KHDRBS3: variants seen among roughly 807,000 people sequenced by gnomAD.
The protein encoded by KHDRBS3 is KH domain-containing, RNA-binding, signal transduction-associated protein 3.
KHDRBS3 carries 23 observed loss-of-function variants against 45.6 expected under a neutral mutation model. That is an observed-to-expected ratio of 0.50 (90% CI 0.36 to 0.72). KHDRBS3 has a LOEUF of 0.72. Ranked by LOEUF, KHDRBS3 falls within the 30% of genes least tolerant of loss-of-function variation. The pLI is 0.00. For synonymous variants in KHDRBS3, 162 were observed against 156.5 expected, an observed-to-expected ratio of 1.04 and a Z score of -0.26; for missense variants, 352 against 424.8, an observed-to-expected ratio of 0.83 and a Z score of 1.51.
chr8:135,631,890 A>G (rs912704172), intron 7 of KHDRBS3, among the ~76,000 whole-genome samples: 5 of 152,198 alleles, frequency 3.3e-5, no homozygotes, highest in Admixed American at 6.5e-5. Flanking sequence ...CGGCAGCACA[A>G]TAGATTTATT....
chr8:135,557,751 C>T (rs1266371444), intron 5 of KHDRBS3, among the ~76,000 whole-genome samples, 164 bp downstream of exon 5: 2 of 152,104 alleles, frequency 1.3e-5, no homozygotes, highest in African/African-American at 2.4e-5. Flanking sequence ...GCCAGGAGTT[C>T]GAGGCCATGG....
chr8:135,523,106 C>T (rs1251382542), intron 2 of KHDRBS3, among the ~76,000 whole-genome samples: 1 of 152,108 alleles, frequency 6.6e-6, no homozygotes, highest in Non-Finnish European at 1.5e-5. Flanking sequence ...AGTTCCTCCA[C>T]CTTTGTCCTT....
intron 7 of KHDRBS3, among the ~76,000 whole-genome samples, chr8:135,620,459 C>T (rs541744311): frequency 6.6e-6 from 1 of 152,258 alleles, no homozygotes; most frequent in South Asian, 2.1e-4. Flanking sequence ...AGGTCACTCA[C>T]TCATGTAATG....
chr8:135,643,310 C>T (rs893945448), intron 7 of KHDRBS3, among the ~76,000 whole-genome samples: 1 of 152,160 alleles, frequency 6.6e-6, no homozygotes, highest in African/African-American at 2.4e-5. Context: ...CCATTCATGA[C>T]ACACTACACT....
chr8:135,494,236 G>T (rs1823301042), intron 1 of KHDRBS3, among the ~76,000 whole-genome samples: 1 of 145,202 alleles, frequency 6.9e-6, no homozygotes, highest in Non-Finnish European at 1.5e-5. Context: ...AATTTCTTTG[G>T]TATCTTCTCG....
At position 135,457,824 on chromosome 8, in the gene KHDRBS3, C is replaced by A. The variant is rs201121717; in HGVS notation, c.-43C>A. 5.1e-6 allele frequency: 7 copies of A among 1,373,716 alleles called. No individual in the cohort carries two copies. The highest frequency in any genetic ancestry group is 2.7e-5 in the South Asian group (2 of 73,980). The allele number at this position is 1,373,716 out of a possible 1,614,324, so 85.1% of individuals were successfully genotyped here. A position where few individuals can be genotyped will look rare whatever the true frequency, so the allele number is the denominator to read the frequency against. On this transcript the variant is annotated 5_prime_UTR_variant, in exon 1 of 9. Transcript: ENST00000355849. This position sits in a 1 kb window ranked among gnomAD's most constrained non-coding sequence, Gnocchi z 4.4. ...TCGGGGGTTGCCGGGCGCCGCCCCC[C>A]GTGCGCCTGGAGTCCACATCCCGGG...
intron 1 of KHDRBS3, among the ~76,000 whole-genome samples, chr8:135,518,028 A>T (rs145766153): frequency 5.6e-4 from 86 of 152,358 alleles, no homozygotes; most frequent in Non-Finnish European, 1.2e-3. Context: ...TAATTTTTAA[A>T]AGCTTACCTA....
At chr8:135,597,480 C>T (rs776326723) in intron 6 of KHDRBS3, among the ~76,000 whole-genome samples, 1 of 152,092 alleles carries the variant, frequency 6.6e-6, no homozygotes, top group South Asian at 2.1e-4. Context: ...TGACCAGCTC[C>T]CTCACGGCTT....
intron 6 of KHDRBS3, among the ~76,000 whole-genome samples, chr8:135,602,082 A>G (rs972847679): frequency 1.2e-4 from 18 of 152,128 alleles, no homozygotes; most frequent in African/African-American, 4.3e-4. Flanking sequence ...TCATTTGCTG[A>G]GTCATTTGTT....
intron 1 of KHDRBS3, among the ~76,000 whole-genome samples, chr8:135,518,756 C>A (rs557446362): frequency 7.0e-6 from 1 of 142,340 alleles, no homozygotes; most frequent in Admixed American, 7.3e-5. Flanking sequence ...TCATTGATAC[C>A]ATTGGTGCTA....
intron 1 of KHDRBS3, among the ~76,000 whole-genome samples, chr8:135,475,247 ACC>A (rs1822213675): frequency 1.3e-5 from 2 of 152,170 alleles, no homozygotes; most frequent in African/African-American, 4.8e-5. Context: ...TATTCTGCCT[ACC>A]ACAGAGGTAT....
intron 4 of KHDRBS3, among the ~76,000 whole-genome samples, chr8:135,553,086 C>T (rs764621182): frequency 3.9e-5 from 6 of 152,096 alleles, no homozygotes; most frequent in African/African-American, 9.7e-5. Context: ...AGGTGTGTGG[C>T]GAGCTTTTCA....
chr8:135,625,076 T>A, intron 7 of KHDRBS3: 1 of 603,826 alleles, frequency 1.7e-6, no homozygotes, highest in East Asian at 3.0e-5. Flanking sequence ...ACTTTTTGCT[T>A]ATGAAAAGAA....
intron 1 of KHDRBS3, among the ~76,000 whole-genome samples, chr8:135,505,606 G>A (rs534924962): frequency 1.3e-5 from 2 of 152,232 alleles, no homozygotes; most frequent in East Asian, 1.9e-4. Flanking sequence ...AAAAGCGAAT[G>A]GGGAGTACTG....
chr8:135,652,191 C>A (rs752389499), downstream of KHDRBS3, among the ~76,000 whole-genome samples: 4 of 152,138 alleles, frequency 2.6e-5, no homozygotes, highest in Non-Finnish European at 5.9e-5. Flanking sequence ...ATGCCTGATT[C>A]TGTTTCTATT....
intron 7 of KHDRBS3, among the ~76,000 whole-genome samples, chr8:135,616,037 TG>T (rs1248373593): frequency 8.5e-5 from 13 of 152,312 alleles, no homozygotes. Flanking sequence ...AAAAGGAAAA[TG>T]TTTTTCAAGA....
intron 5 of KHDRBS3, among the ~76,000 whole-genome samples, chr8:135,568,745 A>AGCT: frequency 6.6e-6 from 1 of 152,238 alleles, no homozygotes; most frequent in Non-Finnish European, 1.5e-5. Flanking sequence ...CTGTTTCTTA[A>AGCT]AACAATTTAA....
intron 5 of KHDRBS3, among the ~76,000 whole-genome samples, chr8:135,579,608 A>G (rs1471885855): frequency 6.6e-6 from 1 of 152,162 alleles, no homozygotes; most frequent in East Asian, 1.9e-4. Context: ...AAGTTCTGGG[A>G]TTACAGGTGT....
chr8:135,461,617 TAA>T (rs1329461245), intron 1 of KHDRBS3, among the ~76,000 whole-genome samples: 3 of 152,224 alleles, frequency 2.0e-5, no homozygotes, highest in Admixed American at 1.3e-4. Context: ...TGACTCTTAC[TAA>T]AAAACATCTT....
Sources: allele counts gnomAD v4.1 joint callset (sites outside exome capture counted in the v4.1 genomes callset), GRCh38; gene constraint gnomAD v4.1.1; non-coding constraint Gnocchi (gnomAD v3.1); transcripts MANE v1.5; gene names NCBI Gene and HGNC (gene_info 2026-07-23, HGNC 2026-07-21).